DOCK2: variants seen among roughly 807,000 people sequenced by gnomAD.
DOCK2 encodes dedicator of cytokinesis 2.
Under a neutral mutation model 248.9 loss-of-function variants are expected in DOCK2, and 87 were observed. The observed-to-expected ratio is 0.35, with a 90% CI of 0.29 to 0.42. The LOEUF (loss-of-function observed/expected upper bound fraction) is 0.42, where lower values mean the gene tolerates loss of function less well. DOCK2 is among the 10% of genes least tolerant of loss of function. The pLI is 1.00. For missense variants in DOCK2, 1,747 were observed against 2,300.2 expected (o/e 0.76, Z 4.92); for synonymous variants, 805 against 821.6 (o/e 0.98, Z 0.35).
intron 27 of DOCK2, among the ~76,000 whole-genome samples, chr5:169,910,674 C>T (rs1774545925): frequency 6.6e-6 from 1 of 152,176 alleles, no homozygotes; most frequent in Admixed American, 6.5e-5. Context: ...CCCAAAATGA[C>T]CTGTTACATC....
At chr5:169,708,116 C>T in intron 14 of DOCK2, 53 bp from the exon 15 acceptor site, 1 of 1,586,246 alleles carries the variant, frequency 6.3e-7, no homozygotes, top group South Asian at 1.1e-5. Flanking sequence ...TGCACAAGCA[C>T]AGAAAATGAC....
chr5:169,902,756 T>C (rs992708944), intron 27 of DOCK2, among the ~76,000 whole-genome samples: 1 of 152,142 alleles, frequency 6.6e-6, no homozygotes, highest in African/African-American at 2.4e-5. Context: ...GACACGGCAG[T>C]GAGCTCAGAC....
Position 169,695,830 on chromosome 5 carries a change from G to A in DOCK2, c.871G>A (p.Asp291Asn). The change falls in exon 10 of 52, where the codon GAT becomes AAT. Residue 291 changes from aspartate (D) to asparagine (N), a missense_variant. Coordinates refer to ENST00000520908, the MANE Select transcript of DOCK2 (RefSeq NM_004946.3). Reference sequence around the variant, plus strand: ...TCTTGGAAACAAAGACCTCAACAGGGATAAAATTTACTTGATTTGTCAAAT... The same window carrying A: ...TCTTGGAAACAAAGACCTCAACAGGAATAAAATTTACTTGATTTGTCAAAT... ...TDLGNKDLNRDKIYLICQIVR... is the reference protein window; with the variant it reads ...TDLGNKDLNRNKIYLICQIVR... The A allele has an allele frequency of 6.2e-7, 1 of 1,613,804 alleles. No homozygotes were observed. The highest frequency in any genetic ancestry group is 8.5e-7 in the Non-Finnish European group (1 of 1,179,926).
At chr5:170,029,766 C>A (rs1054859382) in intron 34 of DOCK2, among the ~76,000 whole-genome samples, 1 of 152,212 alleles carries the variant, frequency 6.6e-6, no homozygotes, top group African/African-American at 2.4e-5. Context: ...TGGATTCTTT[C>A]TTCAATCCTT....
At chr5:169,670,467 G>T in intron 3 of DOCK2, 75 bp from the exon 4 acceptor site, 1 of 1,539,012 alleles carries the variant, frequency 6.5e-7, no homozygotes, top group Non-Finnish European at 8.8e-7. Context: ...AAATTATAAA[G>T]ACGTAGGGTC....
intron 44 of DOCK2, among the ~76,000 whole-genome samples, chr5:170,065,262 T>A (rs10044367): frequency 0.25 from 38,064 of 151,780 alleles, 5,157 homozygotes; most frequent in African/African-American, 0.35. Context: ...TGTACAAAAG[T>A]TAGAAGAAAA....
chr5:169,840,724 G>T (rs749710248), intron 26 of DOCK2, 33 bp from the exon 27 acceptor site: 1 of 1,603,384 alleles, frequency 6.2e-7, no homozygotes, highest in Admixed American at 1.7e-5. Context: ...CAGTGTCCTG[G>T]TTGTCACATA....
intron 27 of DOCK2, among the ~76,000 whole-genome samples, chr5:169,873,597 A>G (rs1249363321): frequency 6.6e-6 from 1 of 152,200 alleles, no homozygotes; most frequent in Non-Finnish European, 1.5e-5. Context: ...TCAAGAGTTC[A>G]CCTGGCTCCA....
chr5:169,769,308 G>C (rs1385474034), intron 25 of DOCK2, among the ~76,000 whole-genome samples: 1 of 152,114 alleles, frequency 6.6e-6, no homozygotes, highest in Non-Finnish European at 1.5e-5. Flanking sequence ...GACTCCCTTT[G>C]GGACTTTAGC....
chr5:169,880,145 CG>C (rs1263478029), intron 27 of DOCK2, among the ~76,000 whole-genome samples: 2 of 152,126 alleles, frequency 1.3e-5, no homozygotes, highest in East Asian at 3.9e-4. Context: ...AGGGCTCTTC[CG>C]GGGCCCTCTT....
rs549440702 is a variant in DOCK2, at chr5:169,973,535, G to T, written c.2800-9533G>T. Among the ~76,000 whole-genome samples the T allele has an allele frequency of 9.9e-4, 151 of 152,262 alleles. 2 individuals are homozygous for T. Among genetic ancestry groups the T allele is most frequent in the Non-Finnish European group, 2.0e-3 (133 of 68,018 alleles). ...CCCATTCACAAAGAGAGAACTGAGG[G>T]TCCAAGAGGTAAAATAATTTGTCCA... is the stretch of plus-strand genomic sequence containing the variant. On this transcript the variant is annotated intron_variant, in intron 27 of 51. Transcript: ENST00000520908.
At chr5:169,877,409 C>G (rs779315298) in intron 27 of DOCK2, among the ~76,000 whole-genome samples, 1 of 152,170 alleles carries the variant, frequency 6.6e-6, no homozygotes, top group Non-Finnish European at 1.5e-5. Context: ...GAACCTGCGG[C>G]AGAGGAATTG....
intron 27 of DOCK2, among the ~76,000 whole-genome samples, chr5:169,929,607 G>T (rs552580257): frequency 6.6e-6 from 1 of 152,144 alleles, no homozygotes; most frequent in Non-Finnish European, 1.5e-5. Flanking sequence ...GCTGAGTGTG[G>T]TGGCACATGC....
rs1258288946 is a variant in DOCK2 at position 169,646,985 on chromosome 5, G to A, written c.44-7418G>A. ...GGCCCAGAGATGAATAAAACAGTTC[G>A]GGAAGCTTACAGTCCAGTCATAACC... On this transcript the variant is annotated intron_variant, in intron 1 of 51. Transcript: ENST00000520908. 3.3e-5 allele frequency among the ~76,000 whole-genome samples: 5 copies of A among 152,300 alleles called. 1 individual carries two copies. In the South Asian group the frequency reaches 6.2e-4, roughly 19 times the overall value.
chr5:170,067,309 T>C (rs532946537), intron 44 of DOCK2, among the ~76,000 whole-genome samples: 38 of 152,174 alleles, frequency 2.5e-4, no homozygotes, highest in Admixed American at 5.9e-4. Context: ...AATCCCTTTC[T>C]CACTAAGCAG....
rs142672048 is a variant in DOCK2, at chr5:170,037,851, A to T, written c.3665+1296A>T. Among the ~76,000 whole-genome samples, 240 of 152,348 alleles carry T rather than the reference A, an allele frequency of 1.6e-3. 1 individual carries two copies. Among genetic ancestry groups the T allele is most frequent in the Middle Eastern group, 6.8e-3 (2 of 294 alleles). ...CTTATGAGGCTGGAGCCCTTGAGGT[A>T]GAGTCAACCAGAAGATTGAGGAGCA... is the stretch of plus-strand genomic sequence containing the variant. On this transcript the variant is annotated intron_variant, in intron 36 of 51. Transcript: ENST00000520908.
At chr5:169,882,675 T>C in intron 27 of DOCK2, 1 of 1,551,848 alleles carries the variant, frequency 6.4e-7, no homozygotes, top group Non-Finnish European at 8.7e-7. Context: ...GGTCGCAGAG[T>C]TCACCCCGTG....
Position 170,034,538 on chromosome 5 carries a change from T to C in DOCK2, c.3607T>C (p.Cys1203Arg). The change falls in exon 35 of 52, where the codon TGC becomes CGC. Residue 1203 changes from cysteine (C) to arginine (R), a missense_variant. This residue lies in a region of DOCK2 where 858 missense variants were observed against 1,183.5 expected (regional missense o/e 0.72). Coordinates refer to ENST00000520908, the MANE Select transcript of DOCK2 (RefSeq NM_004946.3). Reference protein sequence around the residue: ...TDESKDNRMSCTVNLLNFYKD... With the variant: ...TDESKDNRMSRTVNLLNFYKD... ...TGAGAGCAAAGACAACCGCATGAGCTGCACCGTGAACCTGCTGGTGCGTGG... is the reference window on the plus strand; with the variant it reads ...TGAGAGCAAAGACAACCGCATGAGCCGCACCGTGAACCTGCTGGTGCGTGG... The C allele has an allele frequency of 6.2e-7, 1 of 1,614,132 alleles. No homozygotes were observed. The highest frequency in any genetic ancestry group is 8.5e-7 in the Non-Finnish European group (1 of 1,179,984).
At chr5:169,822,102 C>A (rs1768490555) in intron 26 of DOCK2, among the ~76,000 whole-genome samples, 1 of 152,184 alleles carries the variant, frequency 6.6e-6, no homozygotes, top group Non-Finnish European at 1.5e-5. Flanking sequence ...AATACAGGAG[C>A]ACCCAGATCA....
Sources: allele counts gnomAD v4.1 joint callset (sites outside exome capture counted in the v4.1 genomes callset), GRCh38; gene constraint gnomAD v4.1.1; regional missense constraint gnomAD v4.1.1; transcripts MANE v1.5; gene names NCBI Gene and HGNC (gene_info 2026-07-23, HGNC 2026-07-21).